Variants in CBX1 observed in about 807,000 individuals in gnomAD.
The protein encoded by CBX1 is chromobox 1.
A neutral mutation model predicts 25.1 loss-of-function variants in CBX1; 10 were observed. The ratio of observed to expected loss-of-function variants is 0.40; its 90% CI spans 0.25 to 0.68. CBX1 has a LOEUF of 0.68. Ranked by LOEUF, CBX1 falls within the 30% of genes least tolerant of loss-of-function variation. CBX1 has a pLI of 0.40. For missense variants in CBX1, 106 were observed against 218.5 expected (o/e 0.49, Z 3.25); for synonymous variants, 63 against 79.4 (o/e 0.79, Z 1.10).
At chr17:48,072,156 C>A (rs1216594982) in intron 4 of CBX1, among the ~76,000 whole-genome samples, 4 of 152,012 alleles carry the variant, frequency 2.6e-5, no homozygotes, top group Non-Finnish European at 5.9e-5. Context: ...CGCCACCACA[C>A]CCAGCTAATT....
At chr17:48,090,217 T>G (rs2063337350) in intron 1 of CBX1, among the ~76,000 whole-genome samples, 1 of 152,116 alleles carries the variant, frequency 6.6e-6, no homozygotes, top group Non-Finnish European at 1.5e-5. Flanking sequence ...TGACAAAAAT[T>G]TTAAGATTTC....
In CBX1 at chr17:48,072,599, A is replaced by G. The variant is rs199612451; in HGVS notation, c.414-1020T>C. On this transcript the variant is annotated intron_variant, in intron 4 of 4. Coordinates refer to ENST00000225603, the MANE Select transcript of CBX1 (RefSeq NM_001127228.2). ...TCAGATCGAGACCATCCTGGCTAACACGGTGAAACCCTGTCTCTACTAAAA... is the reference window on the plus strand; with the variant it reads ...TCAGATCGAGACCATCCTGGCTAACGCGGTGAAACCCTGTCTCTACTAAAA... 9.9e-5 allele frequency among the ~76,000 whole-genome samples: 15 copies of G among 151,998 alleles called. No individual in the cohort carries two copies. In the East Asian group the frequency reaches 2.7e-3, roughly 28 times the overall value.
chr17:48,097,616 CAAAAA>C (rs373074939), intron 1 of CBX1, among the ~76,000 whole-genome samples: 1 of 80,092 alleles, frequency 1.2e-5, no homozygotes, highest in Non-Finnish European at 2.6e-5. Flanking sequence ...GACTCTGTCT[CAAAAA>C]AAAAAAAAAA....
chr17:48,100,137 CAAAAAA>C (rs543123998), intron 1 of CBX1, among the ~76,000 whole-genome samples: 2 of 56,894 alleles, frequency 3.5e-5, no homozygotes, highest in Non-Finnish European at 6.7e-5. Flanking sequence ...AGACTCTTCT[CAAAAAA>C]AAAAAAAAAA....
intron 1 of CBX1, chr17:48,100,719 A>G (rs905094407): frequency 5.5e-5 from 54 of 984,914 alleles, no homozygotes; most frequent in Non-Finnish European, 6.1e-5. Context: ...CCCTTTCCCA[A>G]TTTATTCCAC....
At chr17:48,081,943 A>C (rs1337737517) in intron 1 of CBX1, among the ~76,000 whole-genome samples, 1 of 152,100 alleles carries the variant, frequency 6.6e-6, no homozygotes, top group East Asian at 1.9e-4. Context: ...GTTTCAAGAA[A>C]GCTATTTGTC....
At chr17:48,084,197 CTTTCCT>C (rs2037764451) in intron 1 of CBX1, among the ~76,000 whole-genome samples, 1 of 98,468 alleles carries the variant, frequency 1.0e-5, no homozygotes, top group Non-Finnish European at 1.9e-5. Flanking sequence ...GCTTCTCTTT[CTTTCCT>C]TTTTTTTTTT....
At chr17:48,095,093 G>T (rs2063366697) in intron 1 of CBX1, among the ~76,000 whole-genome samples, 1 of 151,634 alleles carries the variant, frequency 6.6e-6, no homozygotes, top group African/African-American at 2.4e-5. Flanking sequence ...CCTGTACAGG[G>T]CCAACAGTCA....
chr17:48,075,178 A>T, intron 3 of CBX1, 78 bp from the exon 4 acceptor site: 2 of 900,240 alleles, frequency 2.2e-6, no homozygotes, highest in South Asian at 1.4e-5. Context: ...TGTGTCTCTG[A>T]TTAATGTAAT....
chr17:48,088,831 T>C (rs2063327298), intron 1 of CBX1: 1 of 152,134 alleles, frequency 6.6e-6, no homozygotes, highest in African/African-American at 2.4e-5. Flanking sequence ...CATTATTCCA[T>C]AAAGATCTCC....
intron 1 of CBX1, among the ~76,000 whole-genome samples, chr17:48,084,858 C>T (rs1274167462): frequency 2.7e-5 from 4 of 150,420 alleles, no homozygotes; most frequent in South Asian, 2.1e-4. Context: ...TGCAGTGAGC[C>T]GAGATCGCGC....
chr17:48,084,569 T>C (rs1001405723), intron 1 of CBX1, among the ~76,000 whole-genome samples: 2 of 149,558 alleles, frequency 1.3e-5, no homozygotes, highest in East Asian at 2.0e-4. Flanking sequence ...CCCCAAGTGT[T>C]GGGATTACAG....
At chr17:48,086,421 G>C (rs890879379) in intron 1 of CBX1, among the ~76,000 whole-genome samples, 1 of 152,182 alleles carries the variant, frequency 6.6e-6, no homozygotes, top group African/African-American at 2.4e-5. Context: ...ACTATGAAGT[G>C]CTATGCTAGG....
intron 1 of CBX1, among the ~76,000 whole-genome samples, chr17:48,096,051 T>A (rs1223880134): frequency 3.3e-5 from 5 of 152,164 alleles, no homozygotes; most frequent in African/African-American, 1.2e-4. Flanking sequence ...CAGCTAATTG[T>A]GTATTTTTAG....
In CBX1 at chr17:48,076,911, C is replaced by A; in HGVS notation, c.94G>T (p.Val32Leu). The A allele has an allele frequency of 6.2e-7, 1 of 1,613,440 alleles. No homozygotes were observed. Among genetic ancestry groups the A allele is most frequent in the Non-Finnish European group, 8.5e-7 (1 of 1,179,816 alleles). The change falls in exon 2 of 5, where the codon GTA becomes TTA. Residue 32 changes from valine (V) to leucine (L), a missense_variant. Val to Leu is a conservative substitution (Grantham distance 32). Transcript: ENST00000225603. ...AGGAGGTACTCCACTTTGCCCTTTA[C>A]CACTCGACGGTCGAGAACTTTTTCC... ...VVEKVLDRRV[V>L]KGKVEYLLKW...
At chr17:48,074,712 T>A (rs1178752270) in intron 4 of CBX1, among the ~76,000 whole-genome samples, 3 of 152,156 alleles carry the variant, frequency 2.0e-5, no homozygotes, top group East Asian at 3.8e-4. Context: ...CATTTCATTT[T>A]CTCCCCCTTT....
intron 1 of CBX1, among the ~76,000 whole-genome samples, chr17:48,094,271 T>G (rs1461929894): frequency 6.6e-6 from 1 of 150,966 alleles, no homozygotes; most frequent in African/African-American, 2.4e-5. Flanking sequence ...CCAACTCTAG[T>G]AAAAATACAA....
intron 1 of CBX1, among the ~76,000 whole-genome samples, chr17:48,093,112 AC>A (rs2063353773): frequency 6.7e-6 from 1 of 148,862 alleles, no homozygotes; most frequent in Non-Finnish European, 1.5e-5. Flanking sequence ...AAAGAAAGAA[AC>A]AAATTAGTTG....
intron 1 of CBX1, among the ~76,000 whole-genome samples, chr17:48,096,863 TG>T (rs2063378149): frequency 6.6e-6 from 1 of 151,528 alleles, no homozygotes; most frequent in African/African-American, 2.4e-5. Context: ...GAGGGTGAGG[TG>T]GGAAGATTAC....
Sources: allele counts gnomAD v4.1 joint callset (sites outside exome capture counted in the v4.1 genomes callset), GRCh38; gene constraint gnomAD v4.1.1; transcripts MANE v1.5; gene names NCBI Gene and HGNC (gene_info 2026-07-23, HGNC 2026-07-21).